The following AGBL4 variants were observed in gnomAD, a reference collection of about 807,000 sequenced individuals.
AGBL4 encodes cytosolic carboxypeptidase 6.
Under a neutral mutation model 66.4 loss-of-function variants are expected in AGBL4, and 58 were observed. The observed-to-expected ratio is 0.87, with a 90% CI of 0.71 to 1.09. The LOEUF (loss-of-function observed/expected upper bound fraction) is 1.09, where lower values mean the gene tolerates loss of function less well. AGBL4 is among the 50% of genes least tolerant of loss of function. AGBL4 has a pLI of 0.00. For missense variants in AGBL4, 579 were observed against 631.0 expected (o/e 0.92, Z 0.88); for synonymous variants, 234 against 222.9 (o/e 1.05, Z -0.44).
chr1:48,652,280 G>A (rs914176010), intron 8 of AGBL4, among the ~76,000 whole-genome samples: 12 of 152,186 alleles, frequency 7.9e-5, no homozygotes, highest in African/African-American at 2.9e-4. Context: ...GGCCAATTCT[G>A]TTTAGGGTTT....
chr1:49,931,902 C>A (rs1457178887), intron 1 of AGBL4, among the ~76,000 whole-genome samples: 2 of 152,054 alleles, frequency 1.3e-5, no homozygotes, highest in African/African-American at 2.4e-5. Flanking sequence ...CAATGTGGCC[C>A]CAGTTGTGTA....
intron 1 of AGBL4, chr1:49,994,904 T>G: frequency 2.8e-6 from 1 of 352,202 alleles, no homozygotes; most frequent in South Asian, 2.2e-5. Context: ...GGAGAAGGAT[T>G]TAACCTTTCC....
intron 3 of AGBL4, among the ~76,000 whole-genome samples, chr1:49,599,534 T>C (rs1018997760): frequency 2.3e-4 from 35 of 152,172 alleles, no homozygotes; most frequent in African/African-American, 8.0e-4. Flanking sequence ...GTGAGCAGTC[T>C]ATCTATTTTG....
intron 3 of AGBL4, among the ~76,000 whole-genome samples, chr1:49,384,331 T>C (rs931585953): frequency 2.0e-5 from 3 of 151,922 alleles, no homozygotes; most frequent in African/African-American, 7.3e-5. Flanking sequence ...CGGTGGCTCA[T>C]GCCTGTAATC....
At chr1:49,503,185 G>C (rs1379366923) in intron 3 of AGBL4, among the ~76,000 whole-genome samples, 1 of 152,104 alleles carries the variant, frequency 6.6e-6, no homozygotes, top group Non-Finnish European at 1.5e-5. Context: ...AGTCCAGGCT[G>C]TATCTTCAGA....
chr1:49,511,667 G>A (rs934996729), intron 3 of AGBL4, among the ~76,000 whole-genome samples: 3 of 151,624 alleles, frequency 2.0e-5, no homozygotes, highest in Non-Finnish European at 2.9e-5. Flanking sequence ...TCCCCAATGC[G>A]TTTTATAATC....
chr1:49,169,842 G>A (rs1228240271), intron 4 of AGBL4, among the ~76,000 whole-genome samples: 1 of 152,118 alleles, frequency 6.6e-6, no homozygotes, highest in Non-Finnish European at 1.5e-5. Context: ...ATCCAAGTTT[G>A]CATAAAGACA....
chr1:48,918,400 C>T (rs1011928802), intron 5 of AGBL4, among the ~76,000 whole-genome samples: 5 of 152,194 alleles, frequency 3.3e-5, no homozygotes, highest in Admixed American at 6.5e-5. Flanking sequence ...TCACAGATGA[C>T]GGAAACAACT....
At chr1:49,443,243 C>T (rs550187645) in intron 3 of AGBL4, among the ~76,000 whole-genome samples, 30 of 152,072 alleles carry the variant, frequency 2.0e-4, no homozygotes, top group African/African-American at 7.0e-4. Flanking sequence ...TCTGTTATTT[C>T]TTTTGTTGTG....
chr1:48,665,109 A>G (rs1646165521), intron 6 of AGBL4, among the ~76,000 whole-genome samples: 1 of 152,210 alleles, frequency 6.6e-6, no homozygotes, highest in African/African-American at 2.4e-5. Flanking sequence ...CATTGGGATG[A>G]TCAGTATGGG....
At chr1:50,019,637 G>A (rs1662291761) in intron 1 of AGBL4, among the ~76,000 whole-genome samples, 2 of 151,886 alleles carry the variant, frequency 1.3e-5, no homozygotes, top group African/African-American at 4.8e-5. Context: ...GAGTGATAAA[G>A]GTACGGTCCA....
intron 11 of AGBL4, among the ~76,000 whole-genome samples, chr1:48,579,148 C>A (rs1332934264): frequency 6.6e-6 from 1 of 152,102 alleles, no homozygotes; most frequent in Non-Finnish European, 1.5e-5. Context: ...TCAAAATATC[C>A]CCCTCTCCAA....
intron 3 of AGBL4, among the ~76,000 whole-genome samples, chr1:49,591,172 C>CA (rs1009154643): frequency 6.6e-6 from 1 of 150,606 alleles, no homozygotes; most frequent in Non-Finnish European, 1.5e-5. Context: ...GGGAGGCAAC[C>CA]AAAAAAACAC....
chr1:48,945,788 G>T (rs1656450902), intron 5 of AGBL4, among the ~76,000 whole-genome samples: 1 of 152,158 alleles, frequency 6.6e-6, no homozygotes, highest in Admixed American at 6.6e-5. Context: ...AGAGCAAGGG[G>T]TCTGCAGCTA....
At chr1:49,974,256 G>T (rs1030720435) in intron 1 of AGBL4, among the ~76,000 whole-genome samples, 1 of 151,996 alleles carries the variant, frequency 6.6e-6, no homozygotes, top group Non-Finnish European at 1.5e-5. Context: ...AAAAATGAGA[G>T]TGATTTATGA....
Position 49,308,119 on chromosome 1 carries a change from C to T in AGBL4, c.283-62255G>A, listed in dbSNP as rs12039013. Among the ~76,000 whole-genome samples, 1,201 of 152,230 alleles carry T rather than the reference C, an allele frequency of 7.9e-3. 9 individuals are homozygous for T. Among genetic ancestry groups the T allele is most frequent in the Middle Eastern group, 0.031 (9 of 294 alleles). On this transcript the variant is annotated intron_variant, in intron 3 of 13. Transcript: ENST00000371839. ...CTTTGCCTTCTGCCACAAGTAAAAG[C>T]TCCCTGAGGCCTCCCCAGAAGCAGA...
At chr1:48,984,761 G>A (rs1170290173) in intron 5 of AGBL4, among the ~76,000 whole-genome samples, 1 of 151,688 alleles carries the variant, frequency 6.6e-6, no homozygotes, top group Non-Finnish European at 1.5e-5. Context: ...TACGGTGAAA[G>A]TTGGAACAAA....
chr1:49,080,777 A>G (rs1394114768), intron 4 of AGBL4, among the ~76,000 whole-genome samples: 2 of 152,194 alleles, frequency 1.3e-5, no homozygotes, highest in Non-Finnish European at 2.9e-5. Flanking sequence ...TGTTCACCGT[A>G]ATACTTGAAA....
chr1:49,221,805 C>G (rs903875740), intron 4 of AGBL4, among the ~76,000 whole-genome samples: 2 of 151,978 alleles, frequency 1.3e-5, no homozygotes, highest in Non-Finnish European at 1.5e-5. Flanking sequence ...TTGGACATAC[C>G]TTAGCATAAA....
Sources: allele counts gnomAD v4.1 joint callset (sites outside exome capture counted in the v4.1 genomes callset), GRCh38; gene constraint gnomAD v4.1.1; transcripts MANE v1.5; gene names NCBI Gene and HGNC (gene_info 2026-07-23, HGNC 2026-07-21).